Variants in SEPTIN10 observed in about 807,000 individuals in gnomAD.
The protein encoded by SEPTIN10 is septin-10.
In SEPTIN10, 66 loss-of-function variants were observed where a neutral mutation model predicts 54.8. That is an observed-to-expected ratio of 1.21 (90% CI 0.99 to 1.48). SEPTIN10 has a LOEUF of 1.48. Among genes scored for constraint, SEPTIN10 ranks in the 40% most tolerant of loss-of-function variants. The probability of loss-of-function intolerance (pLI) is 0.00; values close to 1 mark genes in which losing one functional copy is unlikely to be tolerated. For synonymous variants in SEPTIN10, 161 were observed against 181.0 expected, an observed-to-expected ratio of 0.89 and a Z score of 0.89; for missense variants, 620 against 545.6, an observed-to-expected ratio of 1.14 and a Z score of -1.36.
intron 4 of SEPTIN10, among the ~76,000 whole-genome samples, chr2:109,580,854 C>T (rs1690938145): frequency 6.6e-6 from 1 of 152,184 alleles, no homozygotes; most frequent in South Asian, 2.1e-4. Context: ...GTGTCCCGGG[C>T]AGAGCGCAAA....
intron 1 of SEPTIN10, among the ~76,000 whole-genome samples, chr2:109,596,355 C>T (rs774531047): frequency 9.9e-5 from 15 of 152,062 alleles, no homozygotes; most frequent in Non-Finnish European, 1.0e-4. Context: ...GTGTGGCTCA[C>T]GCCTGTAATT....
intron 1 of SEPTIN10, among the ~76,000 whole-genome samples, chr2:109,608,669 G>A (rs745353141): frequency 6.6e-6 from 1 of 152,040 alleles, no homozygotes; most frequent in Non-Finnish European, 1.5e-5. Flanking sequence ...TTGTTTTAAG[G>A]TATTTAACAT....
chr2:109,597,880 T>TA (rs2106071791), intron 1 of SEPTIN10, among the ~76,000 whole-genome samples: 1 of 152,206 alleles, frequency 6.6e-6, no homozygotes, highest in Admixed American at 6.5e-5. Context: ...CCTTGGGAAA[T>TA]ATGGCCTTTT....
intron 4 of SEPTIN10, among the ~76,000 whole-genome samples, chr2:109,576,852 GA>G (rs1449280606): frequency 6.6e-6 from 1 of 151,968 alleles, no homozygotes; most frequent in Admixed American, 6.6e-5. Flanking sequence ...ATAATGAGAA[GA>G]TCTAACATAT....
At position 109,604,961 on chromosome 2, in the gene SEPTIN10, G is replaced by C. The variant is rs1382029306; in HGVS notation, c.30+8837C>G. 6 of 152,094 alleles carry C rather than the reference G, an allele frequency of 3.9e-5. No homozygotes were observed. The East Asian group carries it at 9.6e-4, about 24-fold the overall frequency. 9.4% of individuals were successfully genotyped at this position (152,094 alleles called of 1,614,324 possible). On this transcript the variant is annotated intron_variant, in intron 1 of 10. Coordinates refer to ENST00000397712, the MANE Select transcript of SEPTIN10 (RefSeq NM_144710.5). ...GTGAAGCAGGAAAGAGAATAGGAGAGGAATCAGCACAGGTTTGATGCAACT... is the reference window on the plus strand; with the variant it reads ...GTGAAGCAGGAAAGAGAATAGGAGACGAATCAGCACAGGTTTGATGCAACT...
chr2:109,545,592 T>TA lies in SEPTIN10; in HGVS notation c.1349+457dup, dbSNP rs1388786635. 9 of 1,533,442 alleles carry TA rather than the reference T, an allele frequency of 5.9e-6. No homozygotes were observed. The Admixed American group carries it at 7.9e-5, about 13-fold the overall frequency. The allele number at this position is 1,533,442 out of a possible 1,614,324, so 95.0% of individuals were successfully genotyped here. The stretch of plus-strand genomic sequence containing the variant: ...AAATCAGTATCAGTAGAATTTGTTC[T>TA]AAAAAACTGAACCTAAGAATTAATT... On this transcript the variant is annotated intron_variant, in intron 10 of 10. Transcript: ENST00000397712.
At chr2:109,561,628 T>A (rs985690959) in intron 8 of SEPTIN10, among the ~76,000 whole-genome samples, 15 of 152,186 alleles carry the variant, frequency 9.9e-5, no homozygotes, top group Non-Finnish European at 1.8e-4. Context: ...ACTCTTCACC[T>A]GAATATTTAA....
At chr2:109,592,941 TACAA>T in intron 2 of SEPTIN10, 106 bp downstream of exon 2, 1 of 596,354 alleles carries the variant, frequency 1.7e-6, no homozygotes, top group Non-Finnish European at 2.7e-6. Context: ...TGGAGGTAAG[TACAA>T]ACAGAAGTCT....
chr2:109,596,134 C>T (rs1695245859), intron 1 of SEPTIN10, among the ~76,000 whole-genome samples: 1 of 152,126 alleles, frequency 6.6e-6, no homozygotes, highest in African/African-American at 2.4e-5. Flanking sequence ...TGGGCTCAGG[C>T]GATCCTCCCA....
chr2:109,544,250 GT>G lies in SEPTIN10; in HGVS notation c.*58del, dbSNP rs545969753. ...ACAGCAAAATCAAAGCACACTTCTA[GT>G]TTTTTTTTAATAAAGTTTGCTTGTG... On this transcript the variant is annotated 3_prime_UTR_variant, in exon 11 of 11. Transcript: ENST00000397712. 1.6e-5 allele frequency: 25 copies of G among 1,596,846 alleles called. No individual in the cohort carries two copies. Among genetic ancestry groups the G allele is most frequent in the South Asian group, 4.4e-5 (4 of 90,010 alleles).
chr2:109,593,451 A>C (rs1413949251), intron 1 of SEPTIN10, among the ~76,000 whole-genome samples: 1 of 137,768 alleles, frequency 7.3e-6, no homozygotes, highest in East Asian at 2.2e-4. Flanking sequence ...TGTCACCCAG[A>C]CTGGAGTGCA....
At chr2:109,545,801 A>AT in intron 10 of SEPTIN10, 1 of 1,424,528 alleles carries the variant, frequency 7.0e-7, no homozygotes, top group Non-Finnish European at 9.1e-7. Flanking sequence ...ACTGTGATGT[A>AT]TTTTTATTTT....
At chr2:109,564,033 C>T (rs1165202536) in intron 8 of SEPTIN10, among the ~76,000 whole-genome samples, 1 of 152,158 alleles carries the variant, frequency 6.6e-6, no homozygotes, top group Non-Finnish European at 1.5e-5. Context: ...AATATATCAT[C>T]GTCTCAGATA....
In SEPTIN10 at chr2:109,585,123, T is replaced by A; in HGVS notation, c.413+3A>T. On this transcript the variant is annotated splice_donor_region_variant and intron_variant, in intron 4 of 10. Transcript: ENST00000397712. ...TGTTTTATTACAAGAAGAAAACACA[T>A]ACCTCTCTTCTTTATTTATTTGGTC... 6.5e-7 allele frequency: 1 copy of A among 1,539,094 alleles called. No individual in the cohort carries two copies. Among genetic ancestry groups the A allele is most frequent in the Non-Finnish European group, 8.8e-7 (1 of 1,140,594 alleles).
At chr2:109,550,593 C>T (rs1274307018) in intron 9 of SEPTIN10, among the ~76,000 whole-genome samples, 2 of 152,058 alleles carry the variant, frequency 1.3e-5, no homozygotes, top group African/African-American at 4.8e-5. Context: ...GGATTGCAGG[C>T]GTGAGCCACC....
In SEPTIN10 at chr2:109,543,072, G is replaced by A. The variant is rs530027188; in HGVS notation, c.*1237C>T. 1.1e-3 allele frequency: 164 copies of A among 152,656 alleles called. 1 individual carries two copies. The highest frequency in any genetic ancestry group is 3.8e-3 in the African/African-American group (156 of 41,554). The allele number at this position is 152,656 out of a possible 1,614,324, so 9.5% of individuals were successfully genotyped here. On this transcript the variant is annotated 3_prime_UTR_variant, in exon 11 of 11. Transcript: ENST00000397712. ...AAAAAATGAAAATGTATATATCTATGACTGTTAAGAAATGTTAGAAATCAT... is the reference window on the plus strand; with the variant it reads ...AAAAAATGAAAATGTATATATCTATAACTGTTAAGAAATGTTAGAAATCAT...
rs1310816217 is a variant in SEPTIN10 at position 109,543,193 on chromosome 2, ATAGT to A, written c.*1112_*1115del. On this transcript the variant is annotated 3_prime_UTR_variant, in exon 11 of 11. Coordinates refer to ENST00000397712, the MANE Select transcript of SEPTIN10 (RefSeq NM_144710.5). ...TTATATCTTTAATATTCAGATGTTCATAGTTATTTTCTTAAAAAGTATTTTTAAT... is the reference window on the plus strand; with the variant it reads ...TTATATCTTTAATATTCAGATGTTCATATTTTCTTAAAAAGTATTTTTAAT... 1.3e-5 allele frequency: 2 copies of A among 152,636 alleles called. No homozygotes were observed. The highest frequency in any genetic ancestry group is 2.9e-5 in the Non-Finnish European group (2 of 68,020). 9.5% of individuals were successfully genotyped at this position (152,636 alleles called of 1,614,324 possible).
At chr2:109,584,724 T>G (rs1378879814) in intron 4 of SEPTIN10, among the ~76,000 whole-genome samples, 3 of 152,176 alleles carry the variant, frequency 2.0e-5, no homozygotes, top group Non-Finnish European at 4.4e-5. Context: ...AATTTGATTA[T>G]AATTTTACAA....
intron 4 of SEPTIN10, 57 bp downstream of exon 4, chr2:109,585,069 A>G (rs1692157899): frequency 8.5e-6 from 9 of 1,055,672 alleles, no homozygotes. Context: ...ATGGGGCTAT[A>G]AGGCGAATGT....
Sources: allele counts gnomAD v4.1 joint callset (sites outside exome capture counted in the v4.1 genomes callset), GRCh38; gene constraint gnomAD v4.1.1; transcripts MANE v1.5; gene names NCBI Gene and HGNC (gene_info 2026-07-23, HGNC 2026-07-21).